Variants in CHRM2 observed in about 807,000 individuals in gnomAD.
The protein encoded by CHRM2 is muscarinic acetylcholine receptor M2.
A neutral mutation model predicts 25.0 loss-of-function variants in CHRM2; 8 were observed. The ratio of observed to expected loss-of-function variants is 0.32; its 90% CI spans 0.19 to 0.58. The LOEUF (loss-of-function observed/expected upper bound fraction) is 0.58. CHRM2 is among the 20% of genes least tolerant of loss of function. CHRM2 has a pLI of 0.88. For synonymous variants in CHRM2, 202 were observed against 205.7 expected (o/e 0.98, Z 0.15); for missense variants, 440 against 567.1 (o/e 0.78, Z 2.28).
At position 136,868,823 on chromosome 7, in the gene CHRM2, G is replaced by A. The variant is rs1310898597; in HGVS notation, c.-452G>A. ...CAGGCTGCGGGTTGGCCAGAGCCTGGAAATCGCAGATTTCACCAGGAAATC... is the reference window on the plus strand; with the variant it reads ...CAGGCTGCGGGTTGGCCAGAGCCTGAAAATCGCAGATTTCACCAGGAAATC... On this transcript the variant is annotated 5_prime_UTR_variant, in exon 1 of 4. Coordinates refer to ENST00000680005, the MANE Select transcript of CHRM2 (RefSeq NM_001006630.2). The A allele has an allele frequency of 6.6e-6, 1 of 152,160 alleles. No homozygotes were observed. Among genetic ancestry groups the A allele is most frequent in the Non-Finnish European group, 1.5e-5 (1 of 68,186 alleles). The allele number at this position is 152,160 out of a possible 1,614,324, so 9.4% of individuals were successfully genotyped here. A position where few individuals can be genotyped will look rare whatever the true frequency, so the allele number is the denominator to read the frequency against.
chr7:137,005,966 T>C (rs1461080235), intron 3 of CHRM2, among the ~76,000 whole-genome samples: 1 of 152,164 alleles, frequency 6.6e-6, no homozygotes, highest in Non-Finnish European at 1.5e-5. Flanking sequence ...ATAGACAGTC[T>C]GTAGCTCTCC....
At chr7:136,892,443 T>A (rs1354640711) in intron 2 of CHRM2, among the ~76,000 whole-genome samples, 1 of 151,432 alleles carries the variant, frequency 6.6e-6, no homozygotes, top group Non-Finnish European at 1.5e-5. Flanking sequence ...CAAACCAGTA[T>A]ACAAAGCTCA....
intron 2 of CHRM2, among the ~76,000 whole-genome samples, chr7:136,908,856 T>C (rs183707007): frequency 1.3e-4 from 20 of 152,072 alleles, no homozygotes; most frequent in African/African-American, 4.1e-4. Flanking sequence ...GAGAATAGAC[T>C]TGTAGACCCA....
At position 137,015,781 on chromosome 7, in the gene CHRM2, AAC is replaced by A; in HGVS notation, c.920_921del (p.Thr307SerfsTer11). 1 of 1,613,030 alleles carries A rather than the reference AAC, an allele frequency of 6.2e-7. No individual in the cohort carries two copies. The highest frequency in any genetic ancestry group is 2.2e-5 in the East Asian group (1 of 44,726). On this transcript the variant is annotated frameshift_variant, in exon 4 of 4. Coordinates refer to ENST00000680005, the MANE Select transcript of CHRM2 (RefSeq NM_001006630.2). LOFTEE classifies it high-confidence loss of function. This position sits in a 1 kb window ranked among gnomAD's most constrained non-coding sequence, Gnocchi z 5.1. ...MRDDEITQDENTVSTSLGHSK... is the reference protein window; with the variant it reads ...MRDDEITQDEXTVSTSLGHSK... The stretch of plus-strand genomic sequence containing the variant: ...AGATGATGAAATAACCCAGGATGAA[AAC>A]ACAGTTTCCACTTCCCTGGGCCATT...
chr7:136,879,684 C>A (rs1363741487), intron 2 of CHRM2, among the ~76,000 whole-genome samples: 5 of 151,946 alleles, frequency 3.3e-5, no homozygotes, highest in Non-Finnish European at 7.4e-5. Context: ...CTCTCCCTCG[C>A]AGTTTGTTAG....
At chr7:136,956,405 T>G (rs1241710566) in intron 2 of CHRM2, among the ~76,000 whole-genome samples, 1 of 152,222 alleles carries the variant, frequency 6.6e-6, no homozygotes, top group Non-Finnish European at 1.5e-5. Flanking sequence ...AAATGTCAAC[T>G]CTTAGTCATC....
rs992521150 is a variant in CHRM2, at chr7:136,957,383, T to C, written c.-124-34804T>C. ...AACTATTGGCAAAATATTCAGTGCA[T>C]TCTGATTTTCAAGTTGTTGACTTAT... On this transcript the variant is annotated intron_variant, in intron 2 of 3. Transcript: ENST00000680005. 3.3e-5 allele frequency among the ~76,000 whole-genome samples: 5 copies of C among 152,338 alleles called. No homozygotes were observed. The South Asian group carries it at 8.3e-4, about 25-fold the overall frequency.
At chr7:136,984,181 G>T (rs192070305) in intron 2 of CHRM2, among the ~76,000 whole-genome samples, 1 of 151,986 alleles carries the variant, frequency 6.6e-6, no homozygotes, top group African/African-American at 2.4e-5. Context: ...ATAGTGGTTT[G>T]GTAGTGATGT....
At chr7:136,890,238 T>C (rs1416587058) in intron 2 of CHRM2, among the ~76,000 whole-genome samples, 1 of 152,154 alleles carries the variant, frequency 6.6e-6, no homozygotes, top group Non-Finnish European at 1.5e-5. Flanking sequence ...GTAACTAAAA[T>C]GTAATCTAAG....
At chr7:136,909,152 A>T (rs1195135601) in intron 2 of CHRM2, among the ~76,000 whole-genome samples, 1 of 151,954 alleles carries the variant, frequency 6.6e-6, no homozygotes, top group Non-Finnish European at 1.5e-5. Flanking sequence ...CATGGGAATT[A>T]TTCTGGGCTC....
intron 2 of CHRM2, among the ~76,000 whole-genome samples, chr7:136,915,902 T>C (rs1325137102): frequency 6.6e-6 from 1 of 151,732 alleles, no homozygotes; most frequent in Non-Finnish European, 1.5e-5. Context: ...AAGTGCGTAT[T>C]GGAGAATCTT....
In CHRM2 at chr7:137,016,469, GGAGCAAT is replaced by G; in HGVS notation, c.*207_*213del. ...TGCACCTTATAAACTGTCAGTATTAGGAGCAATGAGACAATGAAAGAAACATGTTGGG... is the reference window on the plus strand; with the variant it reads ...TGCACCTTATAAACTGTCAGTATTAGGAGACAATGAAAGAAACATGTTGGG... On this transcript the variant is annotated 3_prime_UTR_variant, in exon 4 of 4. Transcript: ENST00000680005. 1.7e-6 allele frequency: 1 copy of G among 583,138 alleles called. No homozygotes were observed. Among genetic ancestry groups the G allele is most frequent in the East Asian group, 2.9e-5 (1 of 34,134 alleles). 36.1% of individuals were successfully genotyped at this position (583,138 alleles called of 1,614,324 possible).
chr7:136,939,771 T>A (rs2130811846), intron 2 of CHRM2, among the ~76,000 whole-genome samples: 1 of 152,322 alleles, frequency 6.6e-6, no homozygotes, highest in Non-Finnish European at 1.5e-5. Context: ...CACATTTCAG[T>A]ACATAAAAAT....
chr7:136,922,015 C>T (rs996515727), intron 2 of CHRM2, among the ~76,000 whole-genome samples: 1 of 152,118 alleles, frequency 6.6e-6, no homozygotes, highest in African/African-American at 2.4e-5. Context: ...GATCTGCCTG[C>T]CTCATTCTCC....
At chr7:136,931,042 C>A (rs1335115566) in intron 2 of CHRM2, among the ~76,000 whole-genome samples, 1 of 151,600 alleles carries the variant, frequency 6.6e-6, no homozygotes, top group African/African-American at 2.4e-5. Flanking sequence ...TTTTCTGGTA[C>A]GATTATCTCC....
intron 2 of CHRM2, among the ~76,000 whole-genome samples, chr7:136,959,411 G>A (rs1167931170): frequency 6.6e-6 from 1 of 152,162 alleles, no homozygotes; most frequent in Non-Finnish European, 1.5e-5. Context: ...ACCAACATCT[G>A]GTTCCGGTAT....
chr7:136,881,360 T>C (rs993603025), intron 2 of CHRM2, among the ~76,000 whole-genome samples: 7 of 151,818 alleles, frequency 4.6e-5, no homozygotes, highest in Non-Finnish European at 7.4e-5. Context: ...TGAATGACAG[T>C]CCATTGCATT....
chr7:136,889,324 C>A (rs1796603389), intron 2 of CHRM2, among the ~76,000 whole-genome samples: 1 of 152,098 alleles, frequency 6.6e-6, no homozygotes, highest in Non-Finnish European at 1.5e-5. Context: ...TGACTTTGAG[C>A]TCCTCTTGAG....
intron 2 of CHRM2, among the ~76,000 whole-genome samples, chr7:136,930,416 G>C (rs1052583719): frequency 6.6e-6 from 1 of 151,966 alleles, no homozygotes; most frequent in South Asian, 2.1e-4. Flanking sequence ...GCAGATGCTC[G>C]GGTCCCAGAC....
Sources: gnomAD v4.1 joint callset for allele counts (sites outside exome capture counted in the v4.1 genomes callset) on GRCh38, gnomAD v4.1.1 for gene constraint, Gnocchi (gnomAD v3.1) non-coding constraint, MANE v1.5 for transcripts, NCBI Gene and HGNC (gene_info 2026-07-23, HGNC 2026-07-21) for gene names.